Variants in RIMS2 observed in about 807,000 individuals in gnomAD.
RIMS2 encodes the protein regulating synaptic membrane exocytosis protein 2.
RIMS2 carries 59 observed loss-of-function variants against 174.4 expected under a neutral mutation model. The observed-to-expected ratio is 0.34, with a 90% CI of 0.27 to 0.42. The LOEUF (loss-of-function observed/expected upper bound fraction) is 0.42. Among genes scored for constraint, RIMS2 ranks in the 10% least tolerant of loss-of-function variants. RIMS2 has a pLI of 1.00. For synonymous variants in RIMS2, 606 were observed against 572.5 expected (o/e 1.06, Z -0.84); for missense variants, 1,620 against 1,666.3 (o/e 0.97, Z 0.48).
At chr8:103,612,233 T>C (rs2095394303) in intron 1 of RIMS2, among the ~76,000 whole-genome samples, 1 of 152,224 alleles carries the variant, frequency 6.6e-6, no homozygotes, top group African/African-American at 2.4e-5. Context: ...AATAGCTATA[T>C]TGAATTCTCT....
chr8:104,156,316 GA>G (rs2134369078), intron 19 of RIMS2, among the ~76,000 whole-genome samples: 1 of 152,226 alleles, frequency 6.6e-6, no homozygotes, highest in South Asian at 2.1e-4. Context: ...TTACGGACAG[GA>G]ATTGGAAATG....
At chr8:103,938,443 A>G (rs1006427589) in intron 13 of RIMS2, among the ~76,000 whole-genome samples, 5 of 152,020 alleles carry the variant, frequency 3.3e-5, no homozygotes, top group Admixed American at 2.6e-4. Flanking sequence ...AGCATGAGAA[A>G]GACCCACCCC....
chr8:103,979,885 C>A (rs1425386171), intron 16 of RIMS2, among the ~76,000 whole-genome samples: 3 of 152,116 alleles, frequency 2.0e-5, no homozygotes, highest in Non-Finnish European at 4.4e-5. Context: ...ATGGAGGGAG[C>A]ATTTGGACCA....
chr8:103,878,750 C>A (rs748441970), intron 3 of RIMS2, among the ~76,000 whole-genome samples: 21 of 150,942 alleles, frequency 1.4e-4, no homozygotes, highest in Non-Finnish European at 2.7e-4. Context: ...TCTCACTACT[C>A]ATTATTGATC....
intron 3 of RIMS2, among the ~76,000 whole-genome samples, chr8:103,830,520 C>A (rs769858596): frequency 1.3e-5 from 2 of 152,164 alleles, no homozygotes; most frequent in Non-Finnish European, 2.9e-5. Flanking sequence ...ATTTGTTCTA[C>A]TGCCCACTGT....
intron 2 of RIMS2, among the ~76,000 whole-genome samples, chr8:103,701,103 T>A (rs961745127): frequency 2.0e-5 from 3 of 152,108 alleles, no homozygotes; most frequent in Non-Finnish European, 2.9e-5. Context: ...TTATATCTGG[T>A]ATCACATTTT....
chr8:103,964,221 A>G (rs914882259), intron 15 of RIMS2, among the ~76,000 whole-genome samples: 4 of 152,218 alleles, frequency 2.6e-5, no homozygotes, highest in Admixed American at 6.5e-5. Flanking sequence ...TGCTAAGAGT[A>G]TAGTTTTGTT....
chr8:103,931,992 G>C lies in RIMS2; in HGVS notation c.2375+599G>C, dbSNP rs372971481. ...TCTACCCTTATTTTTTTTTCTTTTT[G>C]TTCTACCCTGATTTGATTGGAGAAA... is the stretch of plus-strand genomic sequence containing the variant. On this transcript the variant is annotated intron_variant, in intron 12 of 23. Coordinates refer to ENST00000504942, the Ensembl canonical transcript of RIMS2. Among the ~76,000 whole-genome samples, 509 of 148,152 alleles carry C rather than the reference G, an allele frequency of 3.4e-3. 2 individuals are homozygous for C. The highest frequency in any genetic ancestry group is 0.012 in the African/African-American group (484 of 40,346).
At chr8:104,049,037 G>A (rs1232403765) in intron 19 of RIMS2, among the ~76,000 whole-genome samples, 1 of 151,382 alleles carries the variant, frequency 6.6e-6, no homozygotes, top group Non-Finnish European at 1.5e-5. Flanking sequence ...TCTTTTAATA[G>A]TAGAACTGGG....
chr8:104,022,861 A>G (rs1001860359), intron 19 of RIMS2, among the ~76,000 whole-genome samples: 1 of 152,216 alleles, frequency 6.6e-6, no homozygotes, highest in Non-Finnish European at 1.5e-5. Context: ...TTGCTATATA[A>G]ATCAATCCAA....
chr8:104,177,733 C>T (rs1684306149), intron 19 of RIMS2, among the ~76,000 whole-genome samples: 1 of 152,072 alleles, frequency 6.6e-6, no homozygotes, highest in African/African-American at 2.4e-5. Flanking sequence ...ATAAGTAACT[C>T]TATTGGCTAT....
intron 19 of RIMS2, among the ~76,000 whole-genome samples, chr8:104,103,514 A>G (rs2097952834): frequency 6.6e-6 from 1 of 152,160 alleles, no homozygotes; most frequent in South Asian, 2.1e-4. Flanking sequence ...TATTTTGTTT[A>G]GGGTTTAGTT....
chr8:103,766,542 A>G lies in RIMS2; in HGVS notation c.698+5A>G. On this transcript the variant is annotated splice_donor_5th_base_variant and intron_variant, in intron 3 of 23. Coordinates refer to ENST00000504942, the Ensembl canonical transcript of RIMS2. The stretch of plus-strand genomic sequence containing the variant: ...CAGTGACATAGCTTCAGACAGGTAA[A>G]CATTTTGTTTAATCTTTAGGCAAAT... 6.3e-7 allele frequency: 1 copy of G among 1,593,228 alleles called. No individual in the cohort carries two copies. Among genetic ancestry groups the G allele is most frequent in the Non-Finnish European group, 8.6e-7 (1 of 1,166,930 alleles).
intron 17 of RIMS2, among the ~76,000 whole-genome samples, chr8:104,012,374 A>G (rs1025451221): frequency 6.9e-6 from 1 of 145,938 alleles, no homozygotes; most frequent in African/African-American, 2.5e-5. Context: ...TTTTTAAATT[A>G]CTTGCACTTT....
intron 7 of RIMS2, among the ~76,000 whole-genome samples, chr8:103,916,109 G>C (rs2154528431): frequency 6.6e-6 from 1 of 152,132 alleles, no homozygotes; most frequent in Admixed American, 6.6e-5. Context: ...GGAGTATAGA[G>C]TCATAAAATC....
At chr8:103,799,873 A>G (rs1239660892) in intron 3 of RIMS2, among the ~76,000 whole-genome samples, 1 of 152,134 alleles carries the variant, frequency 6.6e-6, no homozygotes, top group Non-Finnish European at 1.5e-5. Context: ...TAAAATTTAT[A>G]GTTTGTGCTC....
chr8:103,671,134 C>T (rs1419514255), intron 1 of RIMS2, among the ~76,000 whole-genome samples: 2 of 152,010 alleles, frequency 1.3e-5, no homozygotes, highest in African/African-American at 4.8e-5. Flanking sequence ...AAAGTGTTTC[C>T]CCTTATAAAA....
intron 19 of RIMS2, among the ~76,000 whole-genome samples, chr8:104,096,954 T>C (rs2097773779): frequency 6.6e-6 from 1 of 152,118 alleles, no homozygotes. Context: ...TGAATTTGCT[T>C]TTACTTCTTA....
intron 3 of RIMS2, among the ~76,000 whole-genome samples, chr8:103,859,156 C>T (rs748469969): frequency 6.6e-5 from 10 of 152,196 alleles, no homozygotes; most frequent in South Asian, 2.1e-4. Context: ...GAAAAAAGTT[C>T]TGCCAGCAAT....
Sources: allele counts gnomAD v4.1 joint callset (sites outside exome capture counted in the v4.1 genomes callset), GRCh38; gene constraint gnomAD v4.1.1; transcripts MANE v1.5; gene names NCBI Gene and HGNC (gene_info 2026-07-23, HGNC 2026-07-21).